TBC1D32: variants seen among roughly 807,000 people sequenced by gnomAD.
TBC1D32 encodes the protein protein broad-minded.
A neutral mutation model predicts 170.3 loss-of-function variants in TBC1D32; 151 were observed. The observed-to-expected ratio is 0.89, with a 90% CI of 0.78 to 1.01. The LOEUF (loss-of-function observed/expected upper bound fraction) is 1.01. Ranked by LOEUF, TBC1D32 falls within the 50% of genes least tolerant of loss-of-function variation. The probability of loss-of-function intolerance (pLI) is 0.00; values close to 1 mark genes in which losing one functional copy is unlikely to be tolerated. For missense variants in TBC1D32, 1,464 were observed against 1,457.1 expected, an observed-to-expected ratio of 1.00 and a Z score of -0.08; for synonymous variants, 498 against 488.0, an observed-to-expected ratio of 1.02 and a Z score of -0.27.
At chr6:121,282,286 G>A (rs1803128520) in intron 13 of TBC1D32, among the ~76,000 whole-genome samples, 1 of 151,402 alleles carries the variant, frequency 6.6e-6, no homozygotes, top group Admixed American at 6.6e-5. Flanking sequence ...AGTTTAACAT[G>A]GTTGGAATCA....
chr6:121,155,239 G>A (rs1406107470), intron 24 of TBC1D32, among the ~76,000 whole-genome samples: 1 of 151,928 alleles, frequency 6.6e-6, no homozygotes, highest in Non-Finnish European at 1.5e-5. Context: ...GCATTCCTAG[G>A]CTTTACTGTG....
Position 121,080,640 on chromosome 6 carries a change from G to T in TBC1D32, c.*131C>A. On this transcript the variant is annotated 3_prime_UTR_variant, in exon 32 of 32. Transcript: ENST00000398212. ...GAGCTCATACCTACTTAAATATATC[G>T]TTATACTTCTCAGTATTTACAATAT... is the stretch of plus-strand genomic sequence containing the variant. The T allele has an allele frequency of 1.7e-6, 2 of 1,182,956 alleles. No homozygotes were observed. The highest frequency in any genetic ancestry group is 2.7e-5 in the East Asian group (1 of 37,108). The allele number at this position is 1,182,956 out of a possible 1,614,324, so 73.3% of individuals were successfully genotyped here.
At chr6:121,281,734 A>G in intron 13 of TBC1D32, 48 bp from the exon 14 acceptor site, 1 of 1,446,062 alleles carries the variant, frequency 6.9e-7, no homozygotes, top group Non-Finnish European at 9.3e-7. Context: ...AAATACTTAG[A>G]ACTATTTTAT....
intron 30 of TBC1D32, among the ~76,000 whole-genome samples, chr6:121,096,445 A>T (rs976278578): frequency 6.6e-6 from 1 of 152,136 alleles, no homozygotes; most frequent in Non-Finnish European, 1.5e-5. Flanking sequence ...TTCCATTCAC[A>T]ATTGCTACAA....
chr6:121,159,239 T>C (rs1472315303), intron 24 of TBC1D32, among the ~76,000 whole-genome samples: 2 of 152,224 alleles, frequency 1.3e-5, no homozygotes, highest in Admixed American at 6.5e-5. Context: ...ATCTAATTAT[T>C]TGAATGCATT....
intron 22 of TBC1D32, among the ~76,000 whole-genome samples, chr6:121,202,564 A>G (rs1791726409): frequency 1.3e-5 from 2 of 151,342 alleles, no homozygotes; most frequent in South Asian, 2.1e-4. Context: ...AACTGAGGAC[A>G]GTTTGTATAG....
intron 30 of TBC1D32, among the ~76,000 whole-genome samples, chr6:121,094,009 T>C (rs1777117352): frequency 6.6e-6 from 1 of 152,102 alleles, no homozygotes; most frequent in East Asian, 1.9e-4. Flanking sequence ...GGAGACATCC[T>C]TTTTAAACAT....
intron 3 of TBC1D32, among the ~76,000 whole-genome samples, chr6:121,312,935 T>A (rs1237425368): frequency 2.0e-5 from 3 of 152,108 alleles, no homozygotes. Context: ...CAATAAACTA[T>A]CTCCTCTCAC....
At chr6:121,149,549 C>A (rs1234404288) in intron 24 of TBC1D32, among the ~76,000 whole-genome samples, 2 of 152,180 alleles carry the variant, frequency 1.3e-5, no homozygotes, top group East Asian at 3.9e-4. Flanking sequence ...TCAGGTTTGT[C>A]AAAGATCAGA....
intron 24 of TBC1D32, among the ~76,000 whole-genome samples, chr6:121,153,296 A>G (rs2128236894): frequency 6.6e-6 from 1 of 152,242 alleles, no homozygotes; most frequent in Admixed American, 6.5e-5. Context: ...ACTCCAGGCC[A>G]TGTTTGCCTG....
At position 121,303,656 on chromosome 6, in the gene TBC1D32, T is replaced by C. The variant is rs745750899; in HGVS notation, c.1041A>G (p.Ala347=). The change falls in exon 9 of 32, where the codon GCA becomes GCG. Residue 347 remains alanine, a synonymous_variant. Coordinates refer to ENST00000398212, the MANE Select transcript of TBC1D32 (RefSeq NM_152730.6). Reference sequence around the variant, plus strand: ...ACCACACAGCCTTGGTATCAACTAATGCAAAAAAGTAGATCGGATCCAAAA... The same window carrying C: ...ACCACACAGCCTTGGTATCAACTAACGCAAAAAAGTAGATCGGATCCAAAA... ...QKILDPIYFF[A]LVDTKAVWFK... is the part of the protein sequence containing the mutation. 275 of 1,595,472 alleles carry C rather than the reference T, an allele frequency of 1.7e-4. No homozygotes were observed. The highest frequency in any genetic ancestry group is 2.3e-4 in the Non-Finnish European group (265 of 1,167,760).
chr6:121,111,435 A>G (rs1447293996), intron 29 of TBC1D32, among the ~76,000 whole-genome samples: 1 of 152,206 alleles, frequency 6.6e-6, no homozygotes, highest in East Asian at 1.9e-4. Context: ...TCAACATTAC[A>G]TTTGAAAGTG....
intron 31 of TBC1D32, among the ~76,000 whole-genome samples, chr6:121,089,273 A>G (rs1035705389): frequency 6.6e-6 from 1 of 152,180 alleles, no homozygotes. Flanking sequence ...TAGAGCTTAC[A>G]CATTTTACCA....
At chr6:121,108,214 A>T (rs1022803646) in intron 29 of TBC1D32, among the ~76,000 whole-genome samples, 1 of 152,090 alleles carries the variant, frequency 6.6e-6, no homozygotes, top group Non-Finnish European at 1.5e-5. Context: ...TTTACAGTAA[A>T]CATTGTTCAT....
chr6:121,182,319 A>G (rs7744891), intron 22 of TBC1D32, among the ~76,000 whole-genome samples: 12,325 of 152,060 alleles, frequency 0.081, 829 homozygotes, highest in African/African-American at 0.18. Context: ...TTCATTAAAA[A>G]CTGAAGTGTT....
At chr6:121,242,078 A>G in intron 18 of TBC1D32, 123 bp downstream of exon 18, 1 of 976,650 alleles carries the variant, frequency 1.0e-6, no homozygotes, top group Admixed American at 3.0e-5. Context: ...GACTATTACA[A>G]TGCTATATGG....
chr6:121,139,107 A>G (rs1157065611), intron 24 of TBC1D32, among the ~76,000 whole-genome samples: 1 of 152,124 alleles, frequency 6.6e-6, no homozygotes, highest in Admixed American at 6.5e-5. Flanking sequence ...CGGCCTCCCA[A>G]AGTGCTGGGA....
At chr6:121,120,222 A>G (rs995155483) in intron 26 of TBC1D32, among the ~76,000 whole-genome samples, 3 of 152,046 alleles carry the variant, frequency 2.0e-5, no homozygotes, top group Admixed American at 2.0e-4. Context: ...ACCTTTAAGG[A>G]ATTTAAATCC....
At chr6:121,247,231 T>C (rs775325695) in intron 17 of TBC1D32, among the ~76,000 whole-genome samples, 2 of 151,982 alleles carry the variant, frequency 1.3e-5, no homozygotes, top group Non-Finnish European at 2.9e-5. Context: ...CTAAGCTTCA[T>C]AAATGAAAAA....
Sources: gnomAD v4.1 joint callset for allele counts (sites outside exome capture counted in the v4.1 genomes callset) on GRCh38, gnomAD v4.1.1 for gene constraint, MANE v1.5 for transcripts, NCBI Gene and HGNC (gene_info 2026-07-23, HGNC 2026-07-21) for gene names.